The following EYS variants were observed in gnomAD, a reference collection of about 807,000 sequenced individuals.
The protein encoded by EYS is protein eyes shut homolog.
Under a neutral mutation model 282.1 loss-of-function variants are expected in EYS, and 250 were observed. The observed-to-expected ratio is 0.89, with a 90% CI of 0.80 to 0.98. EYS has a LOEUF of 0.98. Among genes scored for constraint, EYS ranks in the 50% least tolerant of loss-of-function variants. EYS has a pLI of 0.00. For synonymous variants in EYS, 1,355 were observed against 1,282.9 expected (o/e 1.06, Z -1.20); for missense variants, 4,016 against 3,709.0 (o/e 1.08, Z -2.15).
intron 29 of EYS, among the ~76,000 whole-genome samples, chr6:64,320,758 G>C (rs897464138): frequency 6.6e-6 from 1 of 151,470 alleles, no homozygotes; most frequent in South Asian, 2.1e-4. Flanking sequence ...ATTGAATTTT[G>C]GACATTGTAT....
At chr6:64,254,308 C>T (rs757209041) in intron 30 of EYS, among the ~76,000 whole-genome samples, 3 of 152,028 alleles carry the variant, frequency 2.0e-5, no homozygotes, top group Non-Finnish European at 2.9e-5. Flanking sequence ...AGCAATATAA[C>T]AAAAAGGTGC....
intron 1 of EYS, among the ~76,000 whole-genome samples, chr6:65,677,248 G>C (rs183624961): frequency 6.6e-6 from 1 of 151,340 alleles, no homozygotes; most frequent in Non-Finnish European, 1.5e-5. Context: ...GAAATAAAAG[G>C]CAACCAAATC....
chr6:65,570,752 T>C (rs1190475181), intron 2 of EYS, among the ~76,000 whole-genome samples: 3 of 152,190 alleles, frequency 2.0e-5, no homozygotes, highest in South Asian at 4.1e-4. Context: ...AAGGTTTTGT[T>C]TATTTTCATT....
chr6:63,781,334 T>A (rs1325533465), intron 39 of EYS, among the ~76,000 whole-genome samples: 1 of 152,198 alleles, frequency 6.6e-6, no homozygotes, highest in Non-Finnish European at 1.5e-5. Flanking sequence ...ATAAATTACC[T>A]TGGGCAGTAT....
chr6:64,678,914 G>A (rs1185423256), intron 22 of EYS, among the ~76,000 whole-genome samples: 1 of 151,012 alleles, frequency 6.6e-6, no homozygotes, highest in African/African-American at 2.4e-5. Flanking sequence ...TAGAACCTGG[G>A]AGGCAGAGGT....
At chr6:65,178,384 A>G (rs546840984) in intron 12 of EYS, among the ~76,000 whole-genome samples, 1 of 152,064 alleles carries the variant, frequency 6.6e-6, no homozygotes, top group Non-Finnish European at 1.5e-5. Context: ...GACCATGACA[A>G]CTTTGTCTAA....
Position 65,450,206 on chromosome 6 carries a change from T to A in EYS, c.862+40388A>T, listed in dbSNP as rs149821334. Among the ~76,000 whole-genome samples, 868 of 152,264 alleles carry A rather than the reference T, an allele frequency of 5.7e-3. 13 individuals are homozygous for A. Among genetic ancestry groups the A allele is most frequent in the African/African-American group, 0.019 (775 of 41,560 alleles). On this transcript the variant is annotated intron_variant, in intron 5 of 42. Coordinates refer to ENST00000503581, the MANE Select transcript of EYS (RefSeq NM_001142800.2). The stretch of plus-strand genomic sequence containing the variant: ...TCAGAATCCTAGCCTATTCATTTCT[T>A]CAGATACAACACAGTTATCACAGAT...
chr6:65,647,923 T>A (rs1472084843), intron 1 of EYS, among the ~76,000 whole-genome samples: 1 of 152,082 alleles, frequency 6.6e-6, no homozygotes, highest in Non-Finnish European at 1.5e-5. Context: ...AGCAAACATA[T>A]AGAACAATGC....
intron 1 of EYS, among the ~76,000 whole-genome samples, chr6:65,677,342 G>A (rs1307143061): frequency 2.0e-5 from 3 of 151,722 alleles, no homozygotes; most frequent in Non-Finnish European, 4.4e-5. Flanking sequence ...TATAAAAACT[G>A]TTAGAACTAG....
At chr6:65,691,976 A>C (rs1247001311) in intron 1 of EYS, among the ~76,000 whole-genome samples, 1 of 150,006 alleles carries the variant, frequency 6.7e-6, no homozygotes, top group East Asian at 2.3e-4. Context: ...CCTCACTTGT[A>C]TGTTTATTGC....
At chr6:63,867,783 T>G (rs965058214) in intron 35 of EYS, among the ~76,000 whole-genome samples, 4 of 152,286 alleles carry the variant, frequency 2.6e-5, no homozygotes, top group African/African-American at 9.6e-5. Context: ...GTTTGCTAAA[T>G]GCAGATTTCC....
intron 1 of EYS, among the ~76,000 whole-genome samples, chr6:65,660,159 C>G (rs1318118497): frequency 2.0e-5 from 3 of 151,668 alleles, no homozygotes; most frequent in African/African-American, 7.3e-5. Context: ...AGCATTGAGT[C>G]CTGTGCAAAT....
intron 18 of EYS, among the ~76,000 whole-genome samples, chr6:64,890,936 T>G (rs2150065696): frequency 6.6e-6 from 1 of 152,226 alleles, no homozygotes; most frequent in South Asian, 2.1e-4. Context: ...TATTTTTTCT[T>G]ACTTTCTACA....
At chr6:64,801,105 T>C (rs1356505490) in intron 22 of EYS, among the ~76,000 whole-genome samples, 1 of 151,992 alleles carries the variant, frequency 6.6e-6, no homozygotes, top group African/African-American at 2.4e-5. Context: ...CATCCTTACT[T>C]TCAAAAGGGC....
chr6:63,830,525 G>T (rs1180162797), intron 36 of EYS, among the ~76,000 whole-genome samples: 1 of 152,090 alleles, frequency 6.6e-6, no homozygotes, highest in African/African-American at 2.4e-5. Context: ...AGAGAAAAAA[G>T]AGTAAAAAGA....
At chr6:65,248,860 T>C (rs1392433734) in intron 12 of EYS, among the ~76,000 whole-genome samples, 1 of 151,938 alleles carries the variant, frequency 6.6e-6, no homozygotes, top group Non-Finnish European at 1.5e-5. Flanking sequence ...CAGATTGATA[T>C]GTATGTGTTC....
chr6:64,941,951 T>C (rs1769104373), intron 15 of EYS, among the ~76,000 whole-genome samples: 1 of 152,094 alleles, frequency 6.6e-6, no homozygotes, highest in Admixed American at 6.6e-5. Flanking sequence ...GGTAGAATGA[T>C]TTATTTACTT....
chr6:65,616,783 T>TA (rs34322899), intron 2 of EYS, among the ~76,000 whole-genome samples: 53,388 of 147,504 alleles, frequency 0.36, 10,889 homozygotes, highest in African/African-American at 0.58. Context: ...ACACTCTGTC[T>TA]AAAAAAACAA....
At chr6:65,274,215 A>G (rs73741286) in intron 12 of EYS, among the ~76,000 whole-genome samples, 2,277 of 152,314 alleles carry the variant, frequency 0.015, 52 homozygotes, top group African/African-American at 0.051. Context: ...ATCTCTAACC[A>G]GGAAAACTGT....
Sources: allele counts gnomAD v4.1 joint callset (sites outside exome capture counted in the v4.1 genomes callset), GRCh38; gene constraint gnomAD v4.1.1; transcripts MANE v1.5; gene names NCBI Gene and HGNC (gene_info 2026-07-23, HGNC 2026-07-21).